The following KIAA1671 variants were observed in gnomAD, a reference collection of about 807,000 sequenced individuals.
The protein encoded by KIAA1671 is uncharacterized protein KIAA1671.
Under a neutral mutation model 131.2 loss-of-function variants are expected in KIAA1671, and 52 were observed. The observed-to-expected ratio is 0.40, with a 90% CI of 0.32 to 0.50. The LOEUF is 0.50. KIAA1671 is among the 20% of genes least tolerant of loss of function. The probability of loss-of-function intolerance (pLI) is 0.73; values close to 1 mark genes in which losing one functional copy is unlikely to be tolerated. For synonymous variants in KIAA1671, 1,003 were observed against 961.6 expected (o/e 1.04, Z -0.80); for missense variants, 2,360 against 2,364.2 (o/e 1.00, Z 0.04).
At chr22:24,971,191 G>A (rs532848337) in intron 1 of KIAA1671, among the ~76,000 whole-genome samples, 1 of 152,240 alleles carries the variant, frequency 6.6e-6, no homozygotes, top group Admixed American at 6.5e-5. Context: ...CCTGACCTCA[G>A]GTGATCCACC....
chr22:25,016,987 T>C (rs1400142359), intron 1 of KIAA1671, among the ~76,000 whole-genome samples: 1 of 152,224 alleles, frequency 6.6e-6, no homozygotes, highest in Non-Finnish European at 1.5e-5. Context: ...TGCAGTCATA[T>C]TGATACCCAC....
In KIAA1671 at chr22:25,177,521, G is replaced by GGGT. The variant is rs1163058557; in HGVS notation, c.5074_5074+2dup. The GGGT allele has an allele frequency of 6.5e-7, 1 of 1,549,340 alleles. No individual in the cohort carries two copies. The highest frequency in any genetic ancestry group is 8.7e-7 in the Non-Finnish European group (1 of 1,145,158). On this transcript the variant is annotated inframe_insertion and splice_region_variant, in exon 9 of 13. Transcript: ENST00000358431. ...ACACGTGGATGTTCAAAGACTCAAC[G>GGGT]GGTATGCCATGACTTCTCTCCTCCT...
intron 1 of KIAA1671, among the ~76,000 whole-genome samples, chr22:24,995,014 C>T (rs1192785719): frequency 1.3e-5 from 2 of 151,082 alleles, no homozygotes; most frequent in African/African-American, 2.4e-5. Context: ...ACTCCAGGCT[C>T]CTGCCTCATC....
chr22:24,979,259 G>A (rs1184253405), intron 1 of KIAA1671, among the ~76,000 whole-genome samples: 1 of 142,280 alleles, frequency 7.0e-6, no homozygotes, highest in African/African-American at 2.6e-5. Flanking sequence ...CAGGTGATCT[G>A]CCTGCCTCGG....
At chr22:25,189,132 T>C (rs1280878343) in intron 11 of KIAA1671, among the ~76,000 whole-genome samples, 35 of 147,840 alleles carry the variant, frequency 2.4e-4, no homozygotes, top group Non-Finnish European at 3.6e-4. Context: ...TTTTCTTTTT[T>C]TTTTTTTTTT....
At chr22:25,104,225 C>T (rs183457771) in intron 6 of KIAA1671, among the ~76,000 whole-genome samples, 75 of 152,058 alleles carry the variant, frequency 4.9e-4, no homozygotes, top group Middle Eastern at 6.8e-3. Flanking sequence ...GTGATCCACC[C>T]GCCTCAGACT....
At chr22:25,082,824 CTCTG>C (rs1487588073) in intron 6 of KIAA1671, among the ~76,000 whole-genome samples, 1 of 152,160 alleles carries the variant, frequency 6.6e-6, no homozygotes, top group Non-Finnish European at 1.5e-5. Context: ...CAGAGCAAGA[CTCTG>C]TCTCTCTAAA....
chr22:25,172,049 C>A (rs1253512086), intron 7 of KIAA1671, among the ~76,000 whole-genome samples: 1 of 151,794 alleles, frequency 6.6e-6, no homozygotes, highest in African/African-American at 2.4e-5. Context: ...AGGTTTTTTA[C>A]AGTGCCCGAG....
chr22:25,093,721 ACACACACACACACACACT>A (rs1568950885), intron 6 of KIAA1671, among the ~76,000 whole-genome samples: 1 of 93,014 alleles, frequency 1.1e-5, no homozygotes, highest in Non-Finnish European at 2.0e-5. Flanking sequence ...ACACACACAC[ACACACACACACACACACT>A]CTCTCTCTCT....
chr22:25,071,776 C>T (rs745999205), intron 6 of KIAA1671, among the ~76,000 whole-genome samples: 3 of 152,066 alleles, frequency 2.0e-5, no homozygotes, highest in African/African-American at 7.2e-5. Context: ...CAAATGGCTA[C>T]GATCTCATGT....
intron 6 of KIAA1671, among the ~76,000 whole-genome samples, chr22:25,096,974 T>C (rs1320860457): frequency 6.6e-6 from 1 of 152,240 alleles, no homozygotes; most frequent in Non-Finnish European, 1.5e-5. Context: ...TCAGAGCACT[T>C]TTCCATTGCA....
chr22:25,052,797 G>C (rs1389152623), intron 6 of KIAA1671: 1 of 152,114 alleles, frequency 6.6e-6, no homozygotes, highest in Non-Finnish European at 1.5e-5. Flanking sequence ...ATTCACTGCA[G>C]CCTCTGCCTC....
At chr22:25,057,910 G>GT (rs1927943274) in intron 6 of KIAA1671, 1 of 152,230 alleles carries the variant, frequency 6.6e-6, no homozygotes, top group Non-Finnish European at 1.5e-5. Context: ...CAAAGTGCTG[G>GT]TATTACAGGC....
intron 11 of KIAA1671, among the ~76,000 whole-genome samples, chr22:25,189,932 C>T (rs141003168): frequency 6.6e-6 from 1 of 152,198 alleles, no homozygotes; most frequent in African/African-American, 2.4e-5. Context: ...TTTATAACTG[C>T]AGTTTATCTC....
chr22:25,042,701 C>T (rs1402394371), intron 5 of KIAA1671, among the ~76,000 whole-genome samples: 2 of 151,790 alleles, frequency 1.3e-5, no homozygotes, highest in Admixed American at 1.3e-4. Context: ...TCTTGAACTC[C>T]TGACCTCGTG....
intron 10 of KIAA1671, among the ~76,000 whole-genome samples, chr22:25,182,193 A>AAAC (rs1261312641): frequency 6.6e-6 from 1 of 151,152 alleles, no homozygotes; most frequent in Non-Finnish European, 1.5e-5. Context: ...AAAAAACAAA[A>AAAC]AACAAACATA....
intron 6 of KIAA1671, among the ~76,000 whole-genome samples, chr22:25,100,361 C>T (rs1987316407): frequency 6.6e-6 from 1 of 152,188 alleles, no homozygotes; most frequent in Non-Finnish European, 1.5e-5. Flanking sequence ...GGGTTCACAA[C>T]CAATCTAAGT....
At chr22:25,076,847 TC>T (rs1929134302) in intron 6 of KIAA1671, among the ~76,000 whole-genome samples, 1 of 152,218 alleles carries the variant, frequency 6.6e-6, no homozygotes, top group Admixed American at 6.5e-5. Context: ...TAAACGCCTT[TC>T]AGAGGGGTCT....
chr22:25,071,267 T>C (rs1454603839), intron 6 of KIAA1671, among the ~76,000 whole-genome samples: 1 of 152,220 alleles, frequency 6.6e-6, no homozygotes, highest in Non-Finnish European at 1.5e-5. Flanking sequence ...GGAAATATTA[T>C]CTTTCCCATT....
Sources: allele counts gnomAD v4.1 joint callset (sites outside exome capture counted in the v4.1 genomes callset), GRCh38; gene constraint gnomAD v4.1.1; transcripts MANE v1.5; gene names NCBI Gene and HGNC (gene_info 2026-07-23, HGNC 2026-07-21).